The following SMYD3 variants were observed in gnomAD, a reference collection of about 807,000 sequenced individuals.
SMYD3 encodes SET and MYND domain containing 3, also known as histone-lysine N-methyltransferase SMYD3.
In SMYD3, 36 loss-of-function variants were observed where a neutral mutation model predicts 57.7. The observed-to-expected ratio is 0.62, with a 90% confidence interval of 0.48 to 0.82. The LOEUF (loss-of-function observed/expected upper bound fraction) is 0.82, where lower values mean the gene tolerates loss of function less well. Among genes scored for constraint, SMYD3 ranks in the 40% least tolerant of loss-of-function variants. The pLI is 0.00. For missense variants in SMYD3, 515 were observed against 538.8 expected, an observed-to-expected ratio of 0.96 and a Z score of 0.44; for synonymous variants, 211 against 195.0, an observed-to-expected ratio of 1.08 and a Z score of -0.68.
At chr1:246,377,772 A>G (rs1036936587) in intron 1 of SMYD3, among the ~76,000 whole-genome samples, 1 of 152,186 alleles carries the variant, frequency 6.6e-6, no homozygotes, top group African/African-American at 2.4e-5. Context: ...CCATTTCTTT[A>G]AAGTATGTAT....
At chr1:246,040,773 T>C (rs2059856302) in intron 5 of SMYD3, among the ~76,000 whole-genome samples, 1 of 152,236 alleles carries the variant, frequency 6.6e-6, no homozygotes, top group Admixed American at 6.5e-5. Flanking sequence ...CGCTAGAATT[T>C]TGTGGTCTAC....
chr1:245,903,283 CA>C (rs1485094673), intron 8 of SMYD3, among the ~76,000 whole-genome samples: 4 of 151,746 alleles, frequency 2.6e-5, no homozygotes, highest in Non-Finnish European at 5.9e-5. Flanking sequence ...TAACACAGTC[CA>C]AAAAAGGTGA....
intron 5 of SMYD3, among the ~76,000 whole-genome samples, chr1:246,090,906 C>G (rs1380581202): frequency 6.6e-6 from 1 of 152,042 alleles, no homozygotes; most frequent in African/African-American, 2.4e-5. Context: ...ATGACGAAGC[C>G]CAGGTACGTA....
intron 5 of SMYD3, among the ~76,000 whole-genome samples, chr1:245,988,152 A>G (rs983173056): frequency 2.0e-5 from 3 of 151,766 alleles, no homozygotes; most frequent in Non-Finnish European, 4.4e-5. Flanking sequence ...CGCCACCCAC[A>G]AACCAGTCCT....
chr1:246,249,535 T>C (rs1437361053), intron 5 of SMYD3, among the ~76,000 whole-genome samples: 8 of 151,970 alleles, frequency 5.3e-5, no homozygotes, highest in Non-Finnish European at 1.5e-5. Context: ...TTTTGTATTT[T>C]TTTTTGTAAT....
chr1:246,228,152 T>A (rs1436683172), intron 5 of SMYD3, among the ~76,000 whole-genome samples: 5 of 152,004 alleles, frequency 3.3e-5, no homozygotes, highest in African/African-American at 4.8e-5. Flanking sequence ...GTATTTTTAG[T>A]AGAGATGGGT....
chr1:246,362,786 T>A (rs1480040372), intron 1 of SMYD3, among the ~76,000 whole-genome samples: 2 of 152,176 alleles, frequency 1.3e-5, no homozygotes, highest in African/African-American at 2.4e-5. Flanking sequence ...CAGGCTGGAG[T>A]GCAGTGGCGT....
rs577328868 is a variant in SMYD3, at chr1:246,475,441, G to A, written c.164+31613C>T. Reference sequence around the variant, plus strand: ...GTGGATCATTTGAGGTCGGGAATTCGAGACCAGCCTGGCCAACATGGTGAA... The same window carrying A: ...GTGGATCATTTGAGGTCGGGAATTCAAGACCAGCCTGGCCAACATGGTGAA... On this transcript the variant is annotated intron_variant, in intron 1 of 11. Coordinates refer to ENST00000490107, the MANE Select transcript of SMYD3 (RefSeq NM_001167740.2). 3.3e-5 allele frequency among the ~76,000 whole-genome samples: 5 copies of A among 151,768 alleles called. No individual in the cohort carries two copies. The South Asian group carries it at 6.3e-4, about 19-fold the overall frequency.
intron 5 of SMYD3, among the ~76,000 whole-genome samples, chr1:246,299,976 T>C (rs2064864443): frequency 2.0e-5 from 3 of 151,124 alleles, no homozygotes; most frequent in African/African-American, 7.3e-5. Context: ...AGTTTACCTA[T>C]AAAACAGTCC....
chr1:246,172,890 C>CACTGT (rs1262890788), intron 5 of SMYD3, among the ~76,000 whole-genome samples: 1 of 150,242 alleles, frequency 6.7e-6, no homozygotes. Context: ...CTAGAACACT[C>CACTGT]ACTGTACTGT....
chr1:246,257,115 A>G (rs1410902325), intron 5 of SMYD3, among the ~76,000 whole-genome samples: 1 of 152,226 alleles, frequency 6.6e-6, no homozygotes, highest in Non-Finnish European at 1.5e-5. Flanking sequence ...CCAGGTGCAG[A>G]TGAGAAGAAT....
At chr1:246,442,179 G>A (rs568402672) in intron 1 of SMYD3, among the ~76,000 whole-genome samples, 108 of 152,326 alleles carry the variant, frequency 7.1e-4, no homozygotes, top group African/African-American at 2.5e-3. Context: ...CTTTTCTTCA[G>A]GGAAGGAAGG....
At chr1:245,816,862 C>A (rs7535239) in intron 10 of SMYD3, among the ~76,000 whole-genome samples, 18,779 of 151,500 alleles carry the variant, frequency 0.12, 1,415 homozygotes, top group East Asian at 0.26. Flanking sequence ...CGGCGCACCA[C>A]GAGATTATAT....
intron 1 of SMYD3, among the ~76,000 whole-genome samples, chr1:246,445,161 A>G (rs2067533596): frequency 6.6e-6 from 1 of 152,252 alleles, no homozygotes; most frequent in Admixed American, 6.5e-5. Context: ...TAAACATTCA[A>G]TAAATGCTAA....
intron 5 of SMYD3, among the ~76,000 whole-genome samples, chr1:246,288,766 T>G (rs1253780098): frequency 1.3e-5 from 2 of 152,182 alleles, no homozygotes; most frequent in Non-Finnish European, 2.9e-5. Flanking sequence ...ATTCCTTACT[T>G]AACTGCTTCC....
At chr1:246,397,502 C>T (rs1206860260) in intron 1 of SMYD3, among the ~76,000 whole-genome samples, 2 of 152,110 alleles carry the variant, frequency 1.3e-5, no homozygotes, top group Admixed American at 6.5e-5. Flanking sequence ...CACAGCTATC[C>T]TAAATTCCTT....
At chr1:245,894,704 C>T (rs1326377208) in intron 8 of SMYD3, among the ~76,000 whole-genome samples, 5 of 152,174 alleles carry the variant, frequency 3.3e-5, no homozygotes, top group South Asian at 2.1e-4. Context: ...AACACTACTG[C>T]GTACCTGTGG....
chr1:245,763,027 G>A (rs998257330), intron 11 of SMYD3, among the ~76,000 whole-genome samples: 4 of 152,238 alleles, frequency 2.6e-5, no homozygotes, highest in Non-Finnish European at 5.9e-5. Flanking sequence ...AAGTTCTGCT[G>A]AGGTGGGAAG....
At chr1:246,477,453 G>T (rs990545633) in intron 1 of SMYD3, among the ~76,000 whole-genome samples, 1 of 152,082 alleles carries the variant, frequency 6.6e-6, no homozygotes. Context: ...GACAAGTTTA[G>T]AAGGGAAATA....
Sources: allele counts gnomAD v4.1 joint callset (sites outside exome capture counted in the v4.1 genomes callset), GRCh38; gene constraint gnomAD v4.1.1; transcripts MANE v1.5; gene names NCBI Gene and HGNC (gene_info 2026-07-23, HGNC 2026-07-21).